PRR16: variants seen among roughly 807,000 people sequenced by gnomAD.
PRR16 encodes proline rich 16.
A neutral mutation model predicts 18.2 loss-of-function variants in PRR16; 6 were observed. The observed-to-expected ratio is 0.33, with a 90% CI of 0.18 to 0.65. The LOEUF is 0.65. Ranked by LOEUF, PRR16 falls within the 30% of genes least tolerant of loss-of-function variation. The pLI is 0.74. For synonymous variants in PRR16, 151 were observed against 147.8 expected (o/e 1.02, Z -0.16); for missense variants, 412 against 376.6 (o/e 1.09, Z -0.78).
chr5:120,542,137 T>C (rs181386641), intron 1 of PRR16, among the ~76,000 whole-genome samples: 69 of 152,288 alleles, frequency 4.5e-4, no homozygotes, highest in Non-Finnish European at 8.2e-4. Context: ...AATTCAATTT[T>C]TGCAGCAACT....
the PRR16 span, among the ~76,000 whole-genome samples, chr5:120,750,558 TGAG>T: frequency 6.6e-6 from 1 of 151,644 alleles, no homozygotes; most frequent in Non-Finnish European, 1.5e-5. Context: ...TCCCAGTTAC[TGAG>T]GAGGCTGAGG....
chr5:120,685,894 G>C (rs1356269968), intron 1 of PRR16, 60 bp from the exon 2 acceptor site: 3 of 1,473,398 alleles, frequency 2.0e-6, no homozygotes, highest in African/African-American at 1.4e-5. Context: ...AAAATAAATT[G>C]TTTCTAGTAT....
chr5:120,483,368 T>G (rs529138154), intron 1 of PRR16, among the ~76,000 whole-genome samples: 1 of 152,274 alleles, frequency 6.6e-6, no homozygotes, highest in East Asian at 1.9e-4. Context: ...TGTATTGTCT[T>G]GGCCAGAACT....
the PRR16 span, among the ~76,000 whole-genome samples, chr5:120,789,588 A>T: frequency 7.2e-5 from 11 of 152,138 alleles, no homozygotes; most frequent in African/African-American, 2.7e-4. Flanking sequence ...ATTATTTCAA[A>T]TGAAAGATCT....
chr5:120,472,569 G>A (rs1455809847), intron 1 of PRR16, among the ~76,000 whole-genome samples: 1 of 152,130 alleles, frequency 6.6e-6, no homozygotes, highest in African/African-American at 2.4e-5. Flanking sequence ...CTCAGGTAAA[G>A]AGACAAAACA....
chr5:120,651,977 C>A (rs1213194245), intron 1 of PRR16, among the ~76,000 whole-genome samples: 1 of 151,994 alleles, frequency 6.6e-6, no homozygotes, highest in Admixed American at 6.6e-5. Flanking sequence ...AATGTTCTTA[C>A]ATTTCTTTGT....
chr5:120,504,342 C>T (rs761695408), intron 1 of PRR16, among the ~76,000 whole-genome samples: 1 of 152,188 alleles, frequency 6.6e-6, no homozygotes, highest in Non-Finnish European at 1.5e-5. Flanking sequence ...TGAAGTCTTA[C>T]ATTCAGATTC....
intron 1 of PRR16, among the ~76,000 whole-genome samples, chr5:120,675,466 T>A (rs894373552): frequency 9.2e-5 from 14 of 152,194 alleles, no homozygotes; most frequent in Admixed American, 6.5e-5. Context: ...TTGTATTACT[T>A]CTCACTTCCA....
chr5:120,492,128 C>G lies in PRR16; in HGVS notation c.159+27483C>G, dbSNP rs1032166725. ...TTTGAGACAGCACCTTGTTCTGTCA[C>G]CTAGGCTGGAGTGCAGTAGAATAAG... On this transcript the variant is annotated intron_variant, in intron 1 of 1. Coordinates refer to ENST00000407149, the MANE Select transcript of PRR16 (RefSeq NM_001300783.2). Among the ~76,000 whole-genome samples, 9 of 59,438 alleles carry G rather than the reference C, an allele frequency of 1.5e-4. 1 individual carries two copies. The South Asian group carries it at 2.6e-3, about 17-fold the overall frequency. 39.0% of individuals were successfully genotyped at this position (59,438 alleles called of 152,430 possible). A position where few individuals can be genotyped will look rare whatever the true frequency, so the allele number is the denominator to read the frequency against.
At chr5:120,554,057 C>G (rs894923858) in intron 1 of PRR16, among the ~76,000 whole-genome samples, 5 of 151,876 alleles carry the variant, frequency 3.3e-5, no homozygotes, top group Admixed American at 1.3e-4. Context: ...AATACACAAT[C>G]ATGAAAGAAT....
At chr5:120,507,732 G>C (rs1332040469) in intron 1 of PRR16, among the ~76,000 whole-genome samples, 1 of 152,006 alleles carries the variant, frequency 6.6e-6, no homozygotes, top group Non-Finnish European at 1.5e-5. Context: ...AGGCACGCTA[G>C]TTAACCATTT....
At chr5:120,465,364 C>T (rs534087292) in intron 1 of PRR16, among the ~76,000 whole-genome samples, 6 of 152,352 alleles carry the variant, frequency 3.9e-5, no homozygotes, top group African/African-American at 1.2e-4. Context: ...GCATTGAACC[C>T]GAGAAGCAGG....
rs1465827140 is a variant in PRR16 at position 120,686,561 on chromosome 5, A to C, written c.767A>C (p.His256Pro). Residue 256 changes from histidine (H) to proline (P), a missense_variant, in exon 2 of 2, where the codon CAT becomes CCT. By Grantham distance (77) the His-to-Pro change is moderately conservative. Transcript: ENST00000407149. The part of the protein sequence containing the change: ...HQGPPLPPTP[H>P]LPPFPLENGG... ...GGCCCTCCCCTCCCTCCTACACCCC[A>C]TCTCCCTCCTTTCCCACTAGAAAAT... 2.5e-6 allele frequency: 4 copies of C among 1,613,294 alleles called. No individual in the cohort carries two copies. Among genetic ancestry groups the C allele is most frequent in the Admixed American group, 1.7e-5 (1 of 59,916 alleles).
chr5:120,784,132 A>G, the PRR16 span, among the ~76,000 whole-genome samples: 1 of 152,178 alleles, frequency 6.6e-6, no homozygotes, highest in Middle Eastern at 3.4e-3. Context: ...TATTTATTTC[A>G]TATCTTGGCT....
chr5:120,520,263 C>G (rs1751129477), intron 1 of PRR16, among the ~76,000 whole-genome samples: 2 of 152,040 alleles, frequency 1.3e-5, no homozygotes, highest in African/African-American at 4.8e-5. Flanking sequence ...GGCATGGTGG[C>G]AGGCGCCTGT....
chr5:120,749,779 A>G, the PRR16 span, among the ~76,000 whole-genome samples: 1 of 152,192 alleles, frequency 6.6e-6, no homozygotes, highest in Non-Finnish European at 1.5e-5. Flanking sequence ...AGAAAGGAAT[A>G]TGCACATGGA....
At position 120,579,034 on chromosome 5, in the gene PRR16, C is replaced by G. The variant is rs1753173873; in HGVS notation, c.160-106920C>G. Among the ~76,000 whole-genome samples, 3 of 152,060 alleles carry G rather than the reference C, an allele frequency of 2.0e-5. No individual in the cohort carries two copies. In the South Asian group the frequency reaches 6.2e-4, roughly 32 times the overall value. On this transcript the variant is annotated intron_variant, in intron 1 of 1. Transcript: ENST00000407149. Reference sequence around the variant, plus strand: ...GAGCTTTTTTTCATATATTTGTTGGCTGCATAAATGTCTTCTTTTGAGAAG... The same window carrying G: ...GAGCTTTTTTTCATATATTTGTTGGGTGCATAAATGTCTTCTTTTGAGAAG...
At chr5:120,653,037 A>G (rs1209568911) in intron 1 of PRR16, among the ~76,000 whole-genome samples, 2 of 152,042 alleles carry the variant, frequency 1.3e-5, no homozygotes, top group Non-Finnish European at 2.9e-5. Flanking sequence ...TCTAGACATA[A>G]GAGTGTGTAT....
chr5:120,581,288 G>T (rs886459766), intron 1 of PRR16, among the ~76,000 whole-genome samples: 2 of 152,112 alleles, frequency 1.3e-5, no homozygotes, highest in African/African-American at 4.8e-5. Flanking sequence ...ATTTCTTCTA[G>T]ATTTTCCGGT....
Sources: gnomAD v4.1 joint callset for allele counts (sites outside exome capture counted in the v4.1 genomes callset) on GRCh38, gnomAD v4.1.1 for gene constraint, MANE v1.5 for transcripts, NCBI Gene and HGNC (gene_info 2026-07-23, HGNC 2026-07-21) for gene names.